IL22RA1: variants seen among roughly 807,000 people sequenced by gnomAD.
IL22RA1 encodes interleukin-22 receptor subunit alpha-1.
A neutral mutation model predicts 32.8 loss-of-function variants in IL22RA1; 25 were observed. That is an observed-to-expected ratio of 0.76 (90% confidence interval 0.55 to 1.06). The LOEUF (loss-of-function observed/expected upper bound fraction) is 1.06. Ranked by LOEUF, IL22RA1 falls within the 50% of genes least tolerant of loss-of-function variation. The pLI is 0.00. For synonymous variants in IL22RA1, 305 were observed against 305.0 expected, an observed-to-expected ratio of 1.00 and a Z score of 0.00; for missense variants, 709 against 727.4, an observed-to-expected ratio of 0.97 and a Z score of 0.29.
At chr1:24,138,347 T>A (rs1443288299) in intron 2 of IL22RA1, among the ~76,000 whole-genome samples, 1 of 152,234 alleles carries the variant, frequency 6.6e-6, no homozygotes, top group Non-Finnish European at 1.5e-5. Context: ...CCCAAGGTTA[T>A]ACAGGCGAGA....
At position 24,133,141 on chromosome 1, in the gene IL22RA1, G is replaced by A. The variant is rs115795273; in HGVS notation, c.531+1070C>T. 3.9e-3 allele frequency among the ~76,000 whole-genome samples: 582 copies of A among 150,936 alleles called. 3 individuals carry two copies. Among genetic ancestry groups the A allele is most frequent in the African/African-American group, 0.014 (559 of 41,202 alleles). On this transcript the variant is annotated intron_variant, in intron 4 of 6. Transcript: ENST00000270800. ...TTCCAGAAAGCCAATACCAATTTCT[G>A]TGGCATGCCAGGTAATATATGACTA...
chr1:24,128,024 A>G, intron 5 of IL22RA1, 117 bp downstream of exon 5: 1 of 1,037,660 alleles, frequency 9.6e-7, no homozygotes, highest in South Asian at 1.9e-5. Flanking sequence ...CACACTGATA[A>G]CCCTTCCATG....
At position 24,123,283 on chromosome 1, in the gene IL22RA1, C is replaced by A; in HGVS notation, c.792+19G>T. 6.2e-7 allele frequency: 1 copy of A among 1,611,960 alleles called. No individual in the cohort carries two copies. On this transcript the variant is annotated intron_variant, in intron 6 of 6. Transcript: ENST00000270800. Reference sequence around the variant, plus strand: ...CCCTCCCCTGGACCTCTCCCTCCCACCCTGGGGGGATGGCTCACCAGGGAG... The same window carrying A: ...CCCTCCCCTGGACCTCTCCCTCCCAACCTGGGGGGATGGCTCACCAGGGAG...
chr1:24,124,595 A>T (rs7355101), intron 5 of IL22RA1, among the ~76,000 whole-genome samples: 37,496 of 151,974 alleles, frequency 0.25, 5,480 homozygotes, highest in African/African-American at 0.4. Context: ...TCCAGGGGCC[A>T]GCTAATCACC....
At position 24,121,044 on chromosome 1, in the gene IL22RA1, G is replaced by T. The variant is rs143671796; in HGVS notation, c.1486C>A (p.Leu496Ile). ...ATCTGGACTGAGGAGAGGAGGGGGA[G>T]CTGGCCCTTTAGGTACTGTGGTGTC... ...EGTPQYLKGQ[L>I]PLLSSVQIEG... is the part of the protein sequence containing the mutation. The change falls in exon 7 of 7, where the codon CTC becomes ATC. Residue 496 changes from leucine to isoleucine, a missense_variant. Physicochemically the swap from Leu to Ile is conservative, Grantham distance 5. Transcript: ENST00000270800. 1.9e-4 allele frequency: 310 copies of T among 1,614,210 alleles called. No homozygotes were observed. In the African/African-American group the frequency reaches 3.6e-3, roughly 19 times the overall value.
rs202242829 is a variant in IL22RA1, at chr1:24,123,326, C to T, written c.768G>A (p.Lys256=). The T allele has an allele frequency of 5.9e-5, 95 of 1,614,152 alleles. No homozygotes were observed. The Admixed American group carries it at 7.2e-4, about 12-fold the overall frequency. Residue 256 remains lysine, a synonymous_variant, in exon 6 of 7, where the codon AAG becomes AAA. Coordinates refer to ENST00000270800, the MANE Select transcript of IL22RA1 (RefSeq NM_021258.4). ...LCYLSYRYVT[K]PPAPPNSLNV... ...CCAGGGAGTTGGGAGGTGCAGGCGG[C>T]TTGGTGACATATCTGTAGCTCAGGT...
At chr1:24,126,016 G>A (rs1570903120) in intron 5 of IL22RA1, among the ~76,000 whole-genome samples, 1 of 152,246 alleles carries the variant, frequency 6.6e-6, no homozygotes, top group Admixed American at 6.5e-5. Context: ...ACAGAAGGGT[G>A]TTGTGGGTAA....
chr1:24,121,684 G>A lies in IL22RA1; in HGVS notation c.846C>T (p.Val282=), dbSNP rs1478916092. 1 of 1,592,976 alleles carries A rather than the reference G, an allele frequency of 6.3e-7. No individual in the cohort carries two copies. The highest frequency in any genetic ancestry group is 2.3e-5 in the East Asian group (1 of 44,382). The change falls in exon 7 of 7, where the codon GTC becomes GTT. Residue 282 remains valine (V), a synonymous_variant. Transcript: ENST00000270800. ...CGCTGAGGTCAAAGACAGGGATCAG[G>A]ACGTGCTCCTGGATGAAGCGCAGCG... ...FQPLRFIQEH[V]LIPVFDLSGP...
intron 3 of IL22RA1, chr1:24,135,075 G>A (rs982302574): frequency 6.6e-6 from 1 of 152,212 alleles, no homozygotes; most frequent in African/African-American, 2.4e-5. Flanking sequence ...TCAGAACAAT[G>A]TTTACTTCAG....
rs1644119800 is a variant in IL22RA1 at position 24,121,371 on chromosome 1, G to A, written c.1159C>T (p.Pro387Ser). The stretch of plus-strand genomic sequence containing the variant: ...GTGGCTTGAGGGGCATAGGAGGAAG[G>A]CTGGACCTTAGAGATGGCCTGTGGG... ...YAPQAISKVQPSSYAPQATPD... is the reference protein window; with the variant it reads ...YAPQAISKVQSSSYAPQATPD... The change falls in exon 7 of 7, where the codon CCT (proline) becomes TCT (serine). Residue 387 changes from proline (P) to serine (S), a missense_variant. Pro to Ser is a moderately conservative substitution (Grantham distance 74). Coordinates refer to ENST00000270800, the MANE Select transcript of IL22RA1 (RefSeq NM_021258.4). 2 of 1,577,686 alleles carry A rather than the reference G, an allele frequency of 1.3e-6. No homozygotes were observed. The highest frequency in any genetic ancestry group is 1.7e-6 in the Non-Finnish European group (2 of 1,159,502).
chr1:24,135,526 G>C (rs1644235605), intron 3 of IL22RA1, among the ~76,000 whole-genome samples: 1 of 152,154 alleles, frequency 6.6e-6, no homozygotes, highest in African/African-American at 2.4e-5. Context: ...TAGCTTGTGT[G>C]GGGAGTTTGG....
intron 4 of IL22RA1, among the ~76,000 whole-genome samples, chr1:24,133,270 T>G (rs1243089625): frequency 6.6e-6 from 1 of 152,006 alleles, no homozygotes; most frequent in Non-Finnish European, 1.5e-5. Context: ...ATTTTTGGCT[T>G]CCTAAAAGTT....
At chr1:24,123,553 G>C in intron 5 of IL22RA1, 130 bp from the exon 6 acceptor site, 1 of 1,497,878 alleles carries the variant, frequency 6.7e-7, no homozygotes, top group Non-Finnish European at 8.9e-7. Flanking sequence ...CCTACCGTCA[G>C]AATGCAAGAT....
At chr1:24,129,800 A>C (rs1644192806) in intron 4 of IL22RA1, among the ~76,000 whole-genome samples, 1 of 152,150 alleles carries the variant, frequency 6.6e-6, no homozygotes, top group South Asian at 2.1e-4. Context: ...ACATAAATAA[A>C]TTTTTTAACT....
At position 24,120,920 on chromosome 1, in the gene IL22RA1, A is replaced by T; in HGVS notation, c.1610T>A (p.Val537Glu). ...GCTCTTGGCTTCATCCTTGGGACAC[A>T]CAAGGGACTCCAGCAGGCCCCAGGG... ...PSPWGLLESL[V>E]CPKDEAKSPA... Residue 537 changes from valine to glutamate, a missense_variant, in exon 7 of 7, where the codon GTG (valine) becomes GAG (glutamate). Transcript: ENST00000270800. 6.2e-7 allele frequency: 1 copy of T among 1,614,174 alleles called. No individual in the cohort carries two copies.
intron 3 of IL22RA1, among the ~76,000 whole-genome samples, chr1:24,135,265 CA>C (rs1206749416): frequency 6.6e-6 from 1 of 151,980 alleles, no homozygotes; most frequent in Non-Finnish European, 1.5e-5. Flanking sequence ...GAACCTAAGA[CA>C]AAAAAGCAAT....
In IL22RA1 at chr1:24,137,181, C is replaced by A; in HGVS notation, c.305G>T (p.Gly102Val). The A allele has an allele frequency of 6.2e-7, 1 of 1,614,120 alleles. No homozygotes were observed. Residue 102 changes from glycine to valine, a missense_variant, in exon 3 of 7, where the codon GGA (glycine) becomes GTA (valine). Transcript: ENST00000270800. ...YYARVTAVSAGGRSATKMTDR... is the reference protein window; with the variant it reads ...YYARVTAVSAVGRSATKMTDR... ...AGTCATCTTGGTGGCTGACCGGCCT[C>A]CCGCACTGACAGCGGTGACCCTGGC...
intron 4 of IL22RA1, among the ~76,000 whole-genome samples, chr1:24,132,855 A>C (rs949934680): frequency 1.3e-5 from 2 of 151,224 alleles, no homozygotes; most frequent in Admixed American, 6.6e-5. Flanking sequence ...AAATGGCTTA[A>C]GTTTTGCTGC....
chr1:24,125,528 G>A (rs1283673397), intron 5 of IL22RA1, among the ~76,000 whole-genome samples: 1 of 150,090 alleles, frequency 6.7e-6, no homozygotes, highest in African/African-American at 2.5e-5. Flanking sequence ...ACAGTCAAGG[G>A]CAGGATGCAT....
Sources: allele counts gnomAD v4.1 joint callset (sites outside exome capture counted in the v4.1 genomes callset), GRCh38; gene constraint gnomAD v4.1.1; transcripts MANE v1.5; gene names NCBI Gene and HGNC (gene_info 2026-07-23, HGNC 2026-07-21).